FBXL2: variants seen among roughly 807,000 people sequenced by gnomAD.
The protein encoded by FBXL2 is F-box/LRR-repeat protein 2.
Under a neutral mutation model 69.2 loss-of-function variants are expected in FBXL2, and 38 were observed. The ratio of observed to expected loss-of-function variants is 0.55; its 90% CI spans 0.42 to 0.72. The LOEUF is 0.72. Ranked by LOEUF, FBXL2 falls within the 30% of genes least tolerant of loss-of-function variation. FBXL2 has a pLI of 0.00. For synonymous variants in FBXL2, 192 were observed against 201.3 expected (o/e 0.95, Z 0.39); for missense variants, 354 against 520.3 (o/e 0.68, Z 3.11).
At chr3:33,416,904 A>C in the FBXL2 span, 1 of 1,313,366 alleles carries the variant, frequency 7.6e-7, no homozygotes, top group Non-Finnish European at 1.1e-6. Flanking sequence ...ATAATTCAAA[A>C]TGCATGTTTC....
chr3:33,369,172 C>T (rs1193630578), intron 5 of FBXL2, among the ~76,000 whole-genome samples: 1 of 152,024 alleles, frequency 6.6e-6, no homozygotes, highest in Non-Finnish European at 1.5e-5. Context: ...GTGCCTCAGA[C>T]TCCCAAGTAG....
At chr3:33,394,817 G>GTT (rs76142927) in intron 12 of FBXL2, among the ~76,000 whole-genome samples, 3,677 of 110,376 alleles carry the variant, frequency 0.033, 103 homozygotes, top group Admixed American at 0.072. Flanking sequence ...CCCTCCACTT[G>GTT]TTTTTTTTTT....
At chr3:33,340,895 C>CAAAAAAAA in intron 2 of FBXL2, among the ~76,000 whole-genome samples, 1 of 86,566 alleles carries the variant, frequency 1.2e-5, no homozygotes. Flanking sequence ...TTCCTTTGCC[C>CAAAAAAAA]AAAAAAAAAA....
chr3:33,360,680 G>A (rs928916390), intron 4 of FBXL2, among the ~76,000 whole-genome samples: 4 of 152,040 alleles, frequency 2.6e-5, no homozygotes, highest in Non-Finnish European at 4.4e-5. Context: ...CCATGCCAGT[G>A]AATATAATTG....
chr3:33,366,859 G>T (rs1360786493), intron 5 of FBXL2, among the ~76,000 whole-genome samples: 1 of 152,118 alleles, frequency 6.6e-6, no homozygotes, highest in Non-Finnish European at 1.5e-5. Context: ...AGCTACTCGG[G>T]AGGCTGAAGC....
intron 1 of FBXL2, 64 bp downstream of exon 1, chr3:33,277,579 G>C: frequency 4.0e-6 from 5 of 1,246,754 alleles, no homozygotes; most frequent in Non-Finnish European, 4.1e-6. Flanking sequence ...GGGTCCGCAC[G>C]CCGCCGCCCG....
intron 9 of FBXL2, among the ~76,000 whole-genome samples, chr3:33,374,903 T>G (rs2042539132): frequency 6.6e-6 from 1 of 152,198 alleles, no homozygotes; most frequent in African/African-American, 2.4e-5. Context: ...CAAATATTAA[T>G]GTCAGTTAAA....
intron 1 of FBXL2, 141 bp downstream of exon 1, chr3:33,277,656 A>T: frequency 3.3e-6 from 3 of 915,828 alleles, no homozygotes; most frequent in African/African-American, 1.7e-5. Context: ...GCTGCTGGGC[A>T]GGGCAGGGCT....
chr3:33,420,035 C>T, the FBXL2 span, among the ~76,000 whole-genome samples: 1 of 152,198 alleles, frequency 6.6e-6, no homozygotes, highest in Admixed American at 6.5e-5. Flanking sequence ...ATGTCCCCAC[C>T]CACCTTTGAA....
intron 12 of FBXL2, chr3:33,400,371 TA>T (rs1007484196): frequency 5.0e-6 from 5 of 994,472 alleles, no homozygotes; most frequent in South Asian, 1.7e-5. Flanking sequence ...GAGTCTGAAG[TA>T]AAAAACACCC....
At chr3:33,277,440 G>T, upstream of FBXL2, 1 of 1,251,390 alleles carries the variant, frequency 8.0e-7, no homozygotes, top group Non-Finnish European at 1.0e-6. Context: ...CGCCTGGCTG[G>T]CGTCACCAGG....
Position 33,359,958 on chromosome 3 carries a change from T to C in FBXL2, c.195+601T>C, listed in dbSNP as rs181499911. Among the ~76,000 whole-genome samples, 124 of 152,328 alleles carry C rather than the reference T, an allele frequency of 8.1e-4. 1 individual carries two copies. The highest frequency in any genetic ancestry group is 2.9e-3 in the African/African-American group (122 of 41,578). ...AACCTGATGAAATGAGGAAAGTTTA[T>C]GTTAAAACAACTTTGATATTCAATA... On this transcript the variant is annotated intron_variant, in intron 4 of 14. Transcript: ENST00000484457.
chr3:33,378,213 C>G, intron 12 of FBXL2, 66 bp downstream of exon 12: 1 of 1,451,130 alleles, frequency 6.9e-7, no homozygotes, highest in Non-Finnish European at 9.7e-7. Context: ...CAGTGCAGCA[C>G]AGCCAGAGAC....
At chr3:33,310,309 G>A (rs1004258012) in intron 2 of FBXL2, among the ~76,000 whole-genome samples, 2 of 151,552 alleles carry the variant, frequency 1.3e-5, no homozygotes, top group Non-Finnish European at 2.9e-5. Context: ...ACGCCACCAC[G>A]CCTGGCTAAT....
At chr3:33,280,657 G>A (rs116002063) in intron 1 of FBXL2, among the ~76,000 whole-genome samples, 3,614 of 141,290 alleles carry the variant, frequency 0.026, 69 homozygotes, top group Admixed American at 0.067. Flanking sequence ...AGGCTGTGCT[G>A]AATTGTGTTC....
intron 2 of FBXL2, among the ~76,000 whole-genome samples, chr3:33,309,937 G>T (rs1399610345): frequency 6.6e-6 from 1 of 151,926 alleles, no homozygotes; most frequent in East Asian, 1.9e-4. Context: ...AAGCAGGGAG[G>T]ATCGCTTGAG....
At chr3:33,347,794 T>C (rs183572697) in intron 2 of FBXL2, among the ~76,000 whole-genome samples, 4 of 152,340 alleles carry the variant, frequency 2.6e-5, no homozygotes, top group Non-Finnish European at 5.9e-5. Context: ...CCGTTTCATA[T>C]ACCTGTTTGC....
chr3:33,299,027 T>TTTTTTTTATTTATTTATTTATTTA (rs139891956), intron 2 of FBXL2, among the ~76,000 whole-genome samples: 1 of 146,092 alleles, frequency 6.8e-6, no homozygotes, highest in African/African-American at 2.6e-5. Flanking sequence ...ATTTTTTTAA[T>TTTTTTTTATTTATTTATTTATTTA]TTTATTTATT....
At chr3:33,363,958 A>AC (rs569450169) in intron 4 of FBXL2, among the ~76,000 whole-genome samples, 129 of 152,012 alleles carry the variant, frequency 8.5e-4, no homozygotes, top group African/African-American at 2.9e-3. Flanking sequence ...CCAAAGCGAG[A>AC]CCCCCCAACA....
Sources: allele counts gnomAD v4.1 joint callset (sites outside exome capture counted in the v4.1 genomes callset), GRCh38; gene constraint gnomAD v4.1.1; transcripts MANE v1.5; gene names NCBI Gene and HGNC (gene_info 2026-07-23, HGNC 2026-07-21).